The following SERPINB6 variants were observed in gnomAD, a reference collection of about 807,000 sequenced individuals.
SERPINB6 encodes the protein serpin family B member 6.
In SERPINB6, 16 loss-of-function variants were observed where a neutral mutation model predicts 26.1. The ratio of observed to expected loss-of-function variants is 0.61; its 90% CI spans 0.42 to 0.93. The LOEUF (loss-of-function observed/expected upper bound fraction) is 0.93, where lower values mean the gene tolerates loss of function less well. Among genes scored for constraint, SERPINB6 ranks in the 40% least tolerant of loss-of-function variants. The pLI, the probability that SERPINB6 is intolerant of heterozygous loss-of-function variation, is 0.00. For missense variants in SERPINB6, 420 were observed against 478.0 expected, an observed-to-expected ratio of 0.88 and a Z score of 1.13; for synonymous variants, 174 against 176.6, an observed-to-expected ratio of 0.99 and a Z score of 0.11.
In SERPINB6 at chr6:2,955,557, C is replaced by G. The variant is rs759829139; in HGVS notation, c.279G>C (p.Arg93Ser). The change falls in exon 3 of 7, where the codon AGG (arginine) becomes AGC (serine). Residue 93 changes from arginine to serine, a missense_variant. By Grantham distance (110) the Arg-to-Ser change is moderately radical. Transcript: ENST00000380539. ...GTQYLLRMAN[R>S]LFGEKSCDFL... is the part of the protein sequence containing the mutation. Reference sequence around the variant, plus strand: ...AATCACAAGACTTTTCCCCAAAGAGCCTGTTGGCCATCCTAAGCAAGTACT... The same window carrying G: ...AATCACAAGACTTTTCCCCAAAGAGGCTGTTGGCCATCCTAAGCAAGTACT... The G allele has an allele frequency of 1.9e-6, 3 of 1,614,206 alleles. No individual in the cohort carries two copies. The Admixed American group carries it at 5.0e-5, about 27-fold the overall frequency.
At position 2,970,077 on chromosome 6, in the gene SERPINB6, AT is replaced by A. The variant is rs749633854; in HGVS notation, c.-11+1455del. ...CCTGGCAAAAAAAAAAAAAAAAAAA[AT>A]TTTCTTTCTTTGGATGCCTTGGCTT... On this transcript the variant is annotated intron_variant, in intron 1 of 6. Transcript: ENST00000380539. The A allele has an allele frequency of 5.0e-3, 4,694 of 931,636 alleles. 3 individuals carry two copies. The highest frequency in any genetic ancestry group is 8.9e-3 in the South Asian group (175 of 19,616). 57.7% of individuals were successfully genotyped at this position (931,636 alleles called of 1,614,324 possible).
intron 1 of SERPINB6, chr6:2,960,004 C>T (rs1276024109): frequency 6.1e-6 from 1 of 164,408 alleles, no homozygotes; most frequent in East Asian, 1.8e-4. Flanking sequence ...TGCGCCTGAA[C>T]TCACAGCACA....
At chr6:2,952,114 T>C (rs1769878881) in intron 5 of SERPINB6, among the ~76,000 whole-genome samples, 1 of 152,242 alleles carries the variant, frequency 6.6e-6, no homozygotes, top group South Asian at 2.1e-4. Flanking sequence ...CTGTTATCTG[T>C]AGTCAAAGCC....
At chr6:2,959,575 C>G in intron 1 of SERPINB6, 1 of 544,788 alleles carries the variant, frequency 1.8e-6, no homozygotes. Context: ...TGTGAGGACT[C>G]CTCCCTGCAC....
intron 5 of SERPINB6, among the ~76,000 whole-genome samples, chr6:2,952,397 A>C (rs1039633017): frequency 6.6e-6 from 1 of 152,244 alleles, no homozygotes; most frequent in African/African-American, 2.4e-5. Flanking sequence ...GTTAAAGAAA[A>C]ACAAAACAAG....
intron 4 of SERPINB6, 135 bp downstream of exon 4, chr6:2,954,457 A>C: frequency 1.3e-6 from 1 of 756,852 alleles, no homozygotes; most frequent in Non-Finnish European, 2.3e-6. Flanking sequence ...TGATTTCAGA[A>C]GCAGATTTTT....
chr6:2,948,771 G>A lies in SERPINB6; in HGVS notation c.730-72C>T. The A allele has an allele frequency of 1.3e-6, 2 of 1,567,864 alleles. No individual in the cohort carries two copies. Among genetic ancestry groups the A allele is most frequent in the South Asian group, 2.2e-5 (2 of 89,824 alleles). On this transcript the variant is annotated intron_variant, in intron 6 of 6. Transcript: ENST00000380539. The surrounding 1 kb of genome is among the most constrained non-coding windows in gnomAD (Gnocchi z 5.0). ...CAGCAGGGCCCTGTGCTATGCTGTG[G>A]ATGCCAGACACCAGTGGCAGCGTGG...
rs201913568 is a variant in SERPINB6, at chr6:2,953,176, C to G, written c.441G>C (p.Ala147=). The G allele has an allele frequency of 4.3e-6, 7 of 1,614,082 alleles. No homozygotes were observed. Among genetic ancestry groups the G allele is most frequent in the Non-Finnish European group, 5.1e-6 (6 of 1,180,042 alleles). ...CCACTGAGCCCGGAGAGAGCAACTCCGCAATTTTACCTGAGCGGAAGAATT... is the reference window on the plus strand; with the variant it reads ...CCACTGAGCCCGGAGAGAGCAACTCGGCAATTTTACCTGAGCGGAAGAATT... The part of the protein sequence containing the change: ...WVAEKTEGKI[A]ELLSPGSVDP... The change falls in exon 5 of 7, where the codon GCG becomes GCC. Residue 147 remains alanine, a synonymous_variant. Coordinates refer to ENST00000380539, the MANE Select transcript of SERPINB6 (RefSeq NM_004568.6).
chr6:2,955,343 G>A (rs1195688559), intron 3 of SERPINB6, 181 bp downstream of exon 3: 6 of 687,984 alleles, frequency 8.7e-6, no homozygotes, highest in South Asian at 5.4e-5. Context: ...CTTCAAAAGC[G>A]TGAAGTAGAT....
At chr6:2,953,515 A>C (rs2113169637) in intron 4 of SERPINB6, among the ~76,000 whole-genome samples, 1 of 152,328 alleles carries the variant, frequency 6.6e-6, no homozygotes, top group East Asian at 1.9e-4. Context: ...GTGGGCAGTC[A>C]GAAGATGTTC....
rs942893677 is a variant in SERPINB6 at position 2,958,612 on chromosome 6, A to G, written c.165+556T>C. Among the ~76,000 whole-genome samples the G allele has an allele frequency of 1.5e-4, 23 of 152,142 alleles. 1 individual carries two copies. The highest frequency in any genetic ancestry group is 5.6e-4 in the African/African-American group (23 of 41,440). Reference sequence around the variant, plus strand: ...GGAGAAGACGCCCAGCGCCCCGCTGAGCCCCCGCTGACGCAGCCCACAAGG... The same window carrying G: ...GGAGAAGACGCCCAGCGCCCCGCTGGGCCCCCGCTGACGCAGCCCACAAGG... On this transcript the variant is annotated intron_variant, in intron 2 of 6. Transcript: ENST00000380539.
intron 1 of SERPINB6, 70 bp from the exon 2 acceptor site, chr6:2,959,412 C>T (rs986813247): frequency 9.5e-5 from 144 of 1,509,534 alleles, no homozygotes; most frequent in Non-Finnish European, 1.3e-4. Flanking sequence ...CGCGCCTTAC[C>T]GACAGTCACC....
In SERPINB6 at chr6:2,967,049, T is replaced by G. The variant is rs1381739592; in HGVS notation, c.-11+4484A>C. On this transcript the variant is annotated intron_variant, in intron 1 of 6. Coordinates refer to ENST00000380539, the MANE Select transcript of SERPINB6 (RefSeq NM_004568.6). The surrounding 1 kb of genome is among the most constrained non-coding windows in gnomAD (Gnocchi z 4.3). ...ACAAAACTCTTAGACTGATATCATC[T>G]GGGACTTCTCACCTTTCTCCAGGCT... is the stretch of plus-strand genomic sequence containing the variant. 1 of 985,362 alleles carries G rather than the reference T, an allele frequency of 1.0e-6. No homozygotes were observed. The highest frequency in any genetic ancestry group is 1.1e-4 in the East Asian group (1 of 8,836). 61.0% of individuals were successfully genotyped at this position (985,362 alleles called of 1,614,324 possible). A position where few individuals can be genotyped will look rare whatever the true frequency, so the allele number is the denominator to read the frequency against.
intron 1 of SERPINB6, chr6:2,963,635 G>C (rs757563194): frequency 6.6e-6 from 1 of 152,318 alleles, no homozygotes; most frequent in African/African-American, 2.4e-5. Context: ...GGAGGCAGCA[G>C]GGACAGAGCT....
intron 2 of SERPINB6, chr6:2,957,359 T>G (rs1025011221): frequency 6.6e-6 from 1 of 152,242 alleles, no homozygotes; most frequent in Non-Finnish European, 1.5e-5. Flanking sequence ...TTAAAGGAAC[T>G]ATTTCCAATC....
chr6:2,958,624 C>T (rs1046839863), intron 2 of SERPINB6, among the ~76,000 whole-genome samples: 2 of 152,140 alleles, frequency 1.3e-5, no homozygotes, highest in African/African-American at 2.4e-5. Flanking sequence ...CCCCCGCTGA[C>T]GCAGCCCACA....
chr6:2,955,416 C>G, intron 3 of SERPINB6, 108 bp downstream of exon 3: 1 of 1,277,620 alleles, frequency 7.8e-7, no homozygotes, highest in East Asian at 2.3e-5. Flanking sequence ...TTACAAAAGC[C>G]TATGTATGGC....
At chr6:2,954,979 C>T (rs1191815105) in intron 3 of SERPINB6, 7 of 413,076 alleles carry the variant, frequency 1.7e-5, no homozygotes, top group African/African-American at 1.0e-4. Flanking sequence ...CGTGTGAGCT[C>T]AGGAGTTCGA....
chr6:2,964,088 C>T (rs1219726010), intron 1 of SERPINB6: 2 of 152,208 alleles, frequency 1.3e-5, no homozygotes, highest in African/African-American at 2.4e-5. Context: ...CTTTCTCTGT[C>T]TCATGTCAAT....
Sources: gnomAD v4.1 joint callset for allele counts (sites outside exome capture counted in the v4.1 genomes callset) on GRCh38, gnomAD v4.1.1 for gene constraint, Gnocchi (gnomAD v3.1) non-coding constraint, MANE v1.5 for transcripts, NCBI Gene and HGNC (gene_info 2026-07-23, HGNC 2026-07-21) for gene names.